The following CTPS2 variants were observed in gnomAD, a reference collection of about 807,000 sequenced individuals.
CTPS2 encodes CTP synthase 2.
In CTPS2, 19 loss-of-function variants were observed where a neutral mutation model predicts 46.8. The ratio of observed to expected loss-of-function variants is 0.41; its 90% CI spans 0.28 to 0.60. The LOEUF (loss-of-function observed/expected upper bound fraction) is 0.60. Among genes scored for constraint, CTPS2 ranks in the 20% least tolerant of loss-of-function variants. CTPS2 has a pLI of 0.35. For missense variants in CTPS2, 286 were observed against 447.6 expected (o/e 0.64, Z 3.26); for synonymous variants, 151 against 165.2 (o/e 0.91, Z 0.66).
rs370087877 is a variant in CTPS2, at chrX:16,699,056, A to G, written c.204T>C (p.Asp68=). 1.8e-4 allele frequency: 212 copies of G among 1,178,582 alleles called. No homozygotes were observed. The highest frequency in any genetic ancestry group is 2.2e-4 in the Non-Finnish European group (196 of 882,274). ...VFVLNDGGEV[D]LDLGNYERFL... is the part of the protein sequence containing the mutation. ...ATCTTTCATAATTTCCAAGGTCTAA[A>G]TCAACTTCTCCACCATCATTTAAGA... The change falls in exon 3 of 19, where the codon GAT becomes GAC. Residue 68 remains aspartate (D), a synonymous_variant. Transcript: ENST00000359276.
At chrX:16,703,394 G>A (rs1342780482) in intron 1 of CTPS2, among the ~76,000 whole-genome samples, 1 of 109,242 alleles carries the variant, frequency 9.2e-6, no homozygotes, top group Admixed American at 9.9e-5. Flanking sequence ...GCAGTGGCAT[G>A]TTCATAGCTC....
intron 1 of CTPS2, among the ~76,000 whole-genome samples, chrX:16,707,585 G>A (rs1262559822): frequency 3.6e-5 from 4 of 110,798 alleles, no homozygotes; most frequent in Non-Finnish European, 5.7e-5. Context: ...GAGGCAGGAG[G>A]ATTGCTTGAG....
chrX:16,703,780 T>C (rs754100680), intron 1 of CTPS2, among the ~76,000 whole-genome samples: 3 of 111,631 alleles, frequency 2.7e-5, no homozygotes, highest in Non-Finnish European at 3.8e-5. Context: ...CTAGGTCTGT[T>C]GCCCTGGGTT....
chrX:16,617,411 G>A (rs1270694713), intron 15 of CTPS2, among the ~76,000 whole-genome samples, 165 bp from the exon 16 acceptor site: 1 of 111,724 alleles, frequency 9.0e-6, no homozygotes, highest in Non-Finnish European at 1.9e-5. Context: ...ATGAACCTCA[G>A]ATATAAAATG....
intron 13 of CTPS2, among the ~76,000 whole-genome samples, chrX:16,654,945 T>G (rs772350408): frequency 9.0e-6 from 1 of 111,442 alleles, no homozygotes; most frequent in African/African-American, 3.3e-5. Context: ...AAGATAGCTC[T>G]GTGATCCTGC....
intron 9 of CTPS2, among the ~76,000 whole-genome samples, chrX:16,679,940 A>G (rs1344508597): frequency 9.0e-6 from 1 of 111,616 alleles, no homozygotes; most frequent in Admixed American, 9.6e-5. Flanking sequence ...AGACTGAGAC[A>G]CCACTGAAAG....
rs755645961 is a variant in CTPS2 at position 16,601,198 on chromosome X, C to T, written c.1691+8343G>A. Among the ~76,000 whole-genome samples the T allele has an allele frequency of 2.7e-5, 3 of 111,197 alleles. No individual in the cohort carries two copies. The Admixed American group carries it at 2.9e-4, about 11-fold the overall frequency. ...TCAAGCAGTGCTGGAAACAGAATGT[C>T]GGATTTGTGCAAGGGAAAAGAGTAC... On this transcript the variant is annotated intron_variant, in intron 17 of 18. Coordinates refer to ENST00000359276, the MANE Select transcript of CTPS2 (RefSeq NM_175859.3).
At chrX:16,610,605 A>T (rs2034097810) in intron 16 of CTPS2, among the ~76,000 whole-genome samples, 1 of 112,642 alleles carries the variant, frequency 8.9e-6, no homozygotes, top group Non-Finnish European at 1.9e-5. Context: ...AATGTAAGTT[A>T]TTTCAGCCAC....
At chrX:16,674,824 C>A (rs1032660102) in intron 10 of CTPS2, among the ~76,000 whole-genome samples, 3 of 100,051 alleles carry the variant, frequency 3.0e-5, no homozygotes, top group Non-Finnish European at 6.0e-5. Context: ...GGCAACAAGG[C>A]GAGACTCCGT....
At chrX:16,595,801 T>C (rs1188860961) in intron 17 of CTPS2, among the ~76,000 whole-genome samples, 1 of 112,255 alleles carries the variant, frequency 8.9e-6, no homozygotes, top group Non-Finnish European at 1.9e-5. Context: ...AGTACTGATC[T>C]AAAAACAAAT....
chrX:16,664,826 G>C (rs1479365369), intron 13 of CTPS2, among the ~76,000 whole-genome samples: 3 of 111,740 alleles, frequency 2.7e-5, no homozygotes, highest in Non-Finnish European at 5.6e-5. Context: ...CTGGCACCTA[G>C]TGGGCAGGAG....
At chrX:16,638,474 C>G (rs1931876795) in intron 14 of CTPS2, 1 of 127,218 alleles carries the variant, frequency 7.9e-6, no homozygotes, top group Admixed American at 8.8e-5. Flanking sequence ...TATATCTGCA[C>G]ATGGCACAGA....
chrX:16,693,282 T>C (rs781274680), intron 5 of CTPS2, 58 bp from the exon 6 acceptor site: 1 of 1,073,680 alleles, frequency 9.3e-7, no homozygotes, highest in Non-Finnish European at 1.3e-6. Context: ...GGATGATTAA[T>C]GGTGCCCCAC....
chrX:16,631,119 C>T (rs971701963), intron 14 of CTPS2, among the ~76,000 whole-genome samples: 3 of 111,654 alleles, frequency 2.7e-5, no homozygotes, highest in African/African-American at 9.8e-5. Context: ...GAGGCCGAGG[C>T]GGGTGGATCA....
chrX:16,667,768 TATTTGTTCACATTTTCTGTTC>T, intron 11 of CTPS2, 44 bp from the exon 12 acceptor site: 1 of 1,117,739 alleles, frequency 8.9e-7, no homozygotes, highest in Non-Finnish European at 1.2e-6. Context: ...ACTCACTTTG[TATTTGTTCACATTTTCTGTTC>T]ATTTGTTGGC....
At chrX:16,665,408 T>C (rs1397751566) in intron 13 of CTPS2, among the ~76,000 whole-genome samples, 3 of 112,790 alleles carry the variant, frequency 2.7e-5, no homozygotes, top group Non-Finnish European at 5.6e-5. Flanking sequence ...AAATGTTTCA[T>C]GTCCATATAA....
At chrX:16,663,463 A>G (rs1933031435) in intron 13 of CTPS2, among the ~76,000 whole-genome samples, 2 of 111,475 alleles carry the variant, frequency 1.8e-5, no homozygotes, top group African/African-American at 6.5e-5. Flanking sequence ...TTTTTTTTAA[A>G]CGCAATACAT....
chrX:16,619,464 G>A (rs918933453), intron 15 of CTPS2, among the ~76,000 whole-genome samples: 1 of 111,452 alleles, frequency 9.0e-6, no homozygotes, highest in African/African-American at 3.3e-5. Context: ...AGATGCTGCT[G>A]GCAGCCACCT....
chrX:16,593,477 C>CT (rs5901588), intron 17 of CTPS2, among the ~76,000 whole-genome samples: 10,615 of 85,156 alleles, frequency 0.12, 1,519 homozygotes, highest in African/African-American at 0.38. Flanking sequence ...TGAAATTTTA[C>CT]TTTTTTTTTT....
Sources: allele counts gnomAD v4.1 joint callset (sites outside exome capture counted in the v4.1 genomes callset), GRCh38; gene constraint gnomAD v4.1.1; transcripts MANE v1.5; gene names NCBI Gene and HGNC (gene_info 2026-07-23, HGNC 2026-07-21).